Variants in IGSF10 observed in about 807,000 individuals in gnomAD.
The protein encoded by IGSF10 is calvaria mechanical force protein 608.
A neutral mutation model predicts 128.2 loss-of-function variants in IGSF10; 126 were observed. The ratio of observed to expected loss-of-function variants is 0.98; its 90% CI spans 0.85 to 1.14. The LOEUF is 1.14. Among genes scored for constraint, IGSF10 ranks in the 50% most tolerant of loss-of-function variants. The pLI is 0.00. For missense variants in IGSF10, 3,295 were observed against 3,149.8 expected (o/e 1.05, Z -1.10); for synonymous variants, 1,185 against 1,146.2 (o/e 1.03, Z -0.68).
At chr3:151,517,480 A>T in the IGSF10 span, among the ~76,000 whole-genome samples, 2 of 151,990 alleles carry the variant, frequency 1.3e-5, no homozygotes, top group Non-Finnish European at 2.9e-5. Context: ...CAAAAGTTTT[A>T]AATCTTTGCA....
chr3:151,614,649 C>T, the IGSF10 span, among the ~76,000 whole-genome samples: 1 of 151,144 alleles, frequency 6.6e-6, no homozygotes, highest in Non-Finnish European at 1.5e-5. Context: ...GGAAGGGGAA[C>T]ATCACACACC....
the IGSF10 span, among the ~76,000 whole-genome samples, chr3:151,530,502 TGAATCTCTTGGCA>T: frequency 1.3e-5 from 2 of 151,958 alleles, no homozygotes; most frequent in Non-Finnish European, 2.9e-5. Context: ...CGACTAACAG[TGAATCTCTTGGCA>T]GAAACCCTAC....
the IGSF10 span, among the ~76,000 whole-genome samples, chr3:151,496,166 G>A: frequency 3.8e-3 from 581 of 151,960 alleles, 2 homozygotes; most frequent in African/African-American, 0.013. Flanking sequence ...GGTCTCATTT[G>A]AAGGTCACAC....
chr3:151,531,510 A>T, the IGSF10 span, among the ~76,000 whole-genome samples: 1 of 152,238 alleles, frequency 6.6e-6, no homozygotes, highest in African/African-American at 2.4e-5. Context: ...TGATCAAATT[A>T]GAACTCAGGA....
chr3:151,572,869 T>C, the IGSF10 span, among the ~76,000 whole-genome samples: 16 of 152,228 alleles, frequency 1.1e-4, no homozygotes, highest in Non-Finnish European at 1.8e-4. Context: ...TGCTATAAGT[T>C]TCCCTGTACA....
the IGSF10 span, among the ~76,000 whole-genome samples, chr3:151,501,887 G>T: frequency 2.6e-5 from 4 of 152,004 alleles, no homozygotes; most frequent in Non-Finnish European, 4.4e-5. Context: ...TGCCAGTAAA[G>T]TTACACAATA....
chr3:151,512,428 C>T, the IGSF10 span, among the ~76,000 whole-genome samples: 3 of 152,014 alleles, frequency 2.0e-5, no homozygotes, highest in African/African-American at 7.2e-5. Flanking sequence ...AACAAAGACA[C>T]AACATACCAG....
intron 3 of IGSF10, among the ~76,000 whole-genome samples, chr3:151,457,654 C>A (rs1346312146): frequency 6.6e-6 from 1 of 152,136 alleles, no homozygotes; most frequent in Non-Finnish European, 1.5e-5. Context: ...AATCAGCAGG[C>A]TTTCTGTGCC....
downstream of IGSF10, chr3:151,435,623 C>A (rs1394400465): frequency 2.0e-5 from 1 of 50,080 alleles, no homozygotes; most frequent in Non-Finnish European, 5.2e-5. Context: ...TCCTATAATT[C>A]TTAAGTAAGT....
the IGSF10 span, among the ~76,000 whole-genome samples, chr3:151,533,960 A>AAAC: frequency 6.6e-6 from 1 of 152,218 alleles, no homozygotes; most frequent in East Asian, 1.9e-4. Flanking sequence ...ATTTACAAGA[A>AAAC]AACAACAACA....
chr3:151,580,282 A>G, the IGSF10 span, among the ~76,000 whole-genome samples: 1 of 152,332 alleles, frequency 6.6e-6, no homozygotes, highest in South Asian at 2.1e-4. Context: ...ACACGTAAGA[A>G]AAACAAAGAG....
At chr3:151,434,885 G>A (rs1013434400), downstream of IGSF10, 1 of 152,112 alleles carries the variant, frequency 6.6e-6, no homozygotes, top group African/African-American at 2.4e-5. Context: ...TGAAAGCTGT[G>A]GGGCATATCT....
chr3:151,460,856 C>T, intron 1 of IGSF10, 90 bp downstream of exon 1: 1 of 903,966 alleles, frequency 1.1e-6, no homozygotes, highest in East Asian at 1.2e-4. Context: ...CCCGCTTCTG[C>T]AGCCACGGTA....
At chr3:151,617,335 CCCT>C in the IGSF10 span, among the ~76,000 whole-genome samples, 758 of 78,478 alleles carry the variant, frequency 9.7e-3, 35 homozygotes, top group African/African-American at 0.032. Context: ...CTCCTCCTCC[CCCT>C]CCTCCTCCTC....
At position 151,449,141 on chromosome 3, in the gene IGSF10, G is replaced by C. The variant is rs1241684073; in HGVS notation, c.840C>G (p.Ala280=). The change falls in exon 6 of 8, where the codon GCC becomes GCG. Residue 280 remains alanine, a synonymous_variant. Transcript: ENST00000282466. The part of the protein sequence containing the change: ...AMVSAAAFQC[A]KPTIDSSLKS... ...TCAGGGATGAGTCAATGGTTGGCTT[G>C]GCACACTGGAAAGCTGCAGCTGAGA... The C allele has an allele frequency of 1.2e-6, 2 of 1,614,192 alleles. No homozygotes were observed. The highest frequency in any genetic ancestry group is 1.7e-5 in the Admixed American group (1 of 60,022).
downstream of IGSF10, chr3:151,434,881 C>T (rs1317815748): frequency 6.6e-6 from 1 of 152,146 alleles, no homozygotes; most frequent in Non-Finnish European, 1.5e-5. Context: ...CACATGAAAG[C>T]TGTGGGGCAT....
the IGSF10 span, among the ~76,000 whole-genome samples, chr3:151,604,076 C>A: frequency 6.6e-6 from 1 of 151,932 alleles, no homozygotes; most frequent in East Asian, 1.9e-4. Flanking sequence ...AATTATAAAC[C>A]TTTTCCATTT....
In IGSF10 at chr3:151,437,270, T is replaced by C; in HGVS notation, c.7291A>G (p.Lys2431Glu). 1 of 1,614,218 alleles carries C rather than the reference T, an allele frequency of 6.2e-7. No homozygotes were observed. Among genetic ancestry groups the C allele is most frequent in the Non-Finnish European group, 8.5e-7 (1 of 1,180,030 alleles). ...GGTGCATAGGTAAGAATAACTGGCT[T>C]CTGGCCAATTTCTAATATGACTAAT... ...EKLVILEIGQ[K>E]PVILTYAPGT... is the part of the protein sequence containing the mutation. The change falls in exon 8 of 8, where the codon AAG (lysine) becomes GAG (glutamate). Residue 2431 changes from lysine to glutamate, a missense_variant. Transcript: ENST00000282466.
the IGSF10 span, among the ~76,000 whole-genome samples, chr3:151,618,574 C>A: frequency 4.2e-4 from 64 of 151,072 alleles, no homozygotes; most frequent in Non-Finnish European, 3.3e-4. Flanking sequence ...ACTAAAAATA[C>A]AAAAAATTAG....
Sources: gnomAD v4.1 joint callset for allele counts (sites outside exome capture counted in the v4.1 genomes callset) on GRCh38, gnomAD v4.1.1 for gene constraint, MANE v1.5 for transcripts, NCBI Gene and HGNC (gene_info 2026-07-23, HGNC 2026-07-21) for gene names.